Variants in ZNF420 observed in about 807,000 individuals in gnomAD.
ZNF420 encodes zinc finger protein 420, also known as ATM and p53-associated KZNF protein.
ZNF420 carries 31 observed loss-of-function variants against 44.7 expected under a neutral mutation model. That is an observed-to-expected ratio of 0.69 (90% CI 0.52 to 0.94). The LOEUF (loss-of-function observed/expected upper bound fraction) is 0.94, where lower values mean the gene tolerates loss of function less well. Ranked by LOEUF, ZNF420 falls within the 40% of genes least tolerant of loss-of-function variation. The probability of loss-of-function intolerance (pLI) is 0.00; values close to 1 mark genes in which losing one functional copy is unlikely to be tolerated. For synonymous variants in ZNF420, 245 were observed against 267.4 expected, an observed-to-expected ratio of 0.92 and a Z score of 0.82; for missense variants, 681 against 827.9, an observed-to-expected ratio of 0.82 and a Z score of 2.18.
Position 37,127,287 on chromosome 19 carries a change from A to G in ZNF420, c.296A>G (p.Gln99Arg). Residue 99 changes from glutamine (Q) to arginine (R), a missense_variant, in exon 5 of 5, where the codon CAA (glutamine) becomes CGA (arginine). Coordinates refer to ENST00000337995, the MANE Select transcript of ZNF420 (RefSeq NM_144689.5). The stretch of plus-strand genomic sequence containing the variant: ...GAAGCCAAAGGCAAGATGGAGAAGC[A>G]ACAAGAAAATCAGAAGGAATATTTC... ...YLEAKGKMEK[Q>R]QENQKEYFRQ... 1.2e-6 allele frequency: 2 copies of G among 1,613,652 alleles called. No homozygotes were observed. The highest frequency in any genetic ancestry group is 1.7e-6 in the Non-Finnish European group (2 of 1,179,792).
At chr19:37,026,519 A>G (rs1470550966) in intron 1 of ZNF420, among the ~76,000 whole-genome samples, 3 of 152,086 alleles carry the variant, frequency 2.0e-5, no homozygotes, top group African/African-American at 7.2e-5. Flanking sequence ...GGGTTTCTCC[A>G]TGTTGGTCAG....
chr19:37,094,915 G>A (rs970081135), intron 4 of ZNF420, among the ~76,000 whole-genome samples: 51 of 151,960 alleles, frequency 3.4e-4, no homozygotes, highest in Non-Finnish European at 4.4e-5. Flanking sequence ...GGCAGATCAC[G>A]AGGTCAAGAG....
Position 37,089,043 on chromosome 19 carries a change from G to C in ZNF420, c.-76G>C. ...GTTCTGCTTTCTCCTCCGTAGCTCT[G>C]CATTCTCCAGACTCTGTGCTTTCCT... On this transcript the variant is annotated 5_prime_UTR_variant, in exon 3 of 5. Transcript: ENST00000337995. 7.5e-7 allele frequency: 1 copy of C among 1,340,356 alleles called. No individual in the cohort carries two copies. The highest frequency in any genetic ancestry group is 1.1e-6 in the Non-Finnish European group (1 of 930,324). The allele number at this position is 1,340,356 out of a possible 1,614,324, so 83.0% of individuals were successfully genotyped here.
chr19:37,017,542 C>T (rs2074616865), intron 1 of ZNF420, among the ~76,000 whole-genome samples: 2 of 152,158 alleles, frequency 1.3e-5, no homozygotes, highest in South Asian at 4.1e-4. Flanking sequence ...TAATATATCA[C>T]ATTAAGAGTG....
At chr19:37,031,305 G>A (rs555546596) in intron 1 of ZNF420, among the ~76,000 whole-genome samples, 2 of 152,160 alleles carry the variant, frequency 1.3e-5, no homozygotes, top group South Asian at 2.1e-4. Flanking sequence ...TGGATACATT[G>A]GTTATTAAAT....
intron 1 of ZNF420, among the ~76,000 whole-genome samples, chr19:37,032,379 C>T (rs1483039996): frequency 6.6e-6 from 1 of 151,560 alleles, no homozygotes; most frequent in Non-Finnish European, 1.5e-5. Flanking sequence ...GTTGTGCGCA[C>T]CTGTAATCCC....
chr19:37,116,151 T>C (rs1033458738), intron 4 of ZNF420, among the ~76,000 whole-genome samples: 8 of 152,030 alleles, frequency 5.3e-5, no homozygotes, highest in African/African-American at 1.9e-4. Flanking sequence ...TGATCTCTCT[T>C]TCTTTTCCCC....
chr19:37,054,651 G>A (rs1967708675), intron 1 of ZNF420, among the ~76,000 whole-genome samples: 1 of 152,204 alleles, frequency 6.6e-6, no homozygotes, highest in Admixed American at 6.5e-5. Context: ...TGAGCAGATG[G>A]GAAATTTCAG....
At chr19:37,066,170 C>T (rs969516940) in intron 1 of ZNF420, among the ~76,000 whole-genome samples, 3 of 152,204 alleles carry the variant, frequency 2.0e-5, no homozygotes, top group Non-Finnish European at 4.4e-5. Flanking sequence ...CGGCCAGGCG[C>T]GGCGGCTCAC....
intron 1 of ZNF420, among the ~76,000 whole-genome samples, chr19:37,037,943 A>G (rs1312065046): frequency 1.3e-5 from 2 of 152,144 alleles, no homozygotes. Context: ...TGGAGTAAGG[A>G]CCTGGGTGTG....
At chr19:37,088,026 A>G (rs1403041981) in intron 2 of ZNF420, among the ~76,000 whole-genome samples, 1 of 152,190 alleles carries the variant, frequency 6.6e-6, no homozygotes, top group Non-Finnish European at 1.5e-5. Context: ...TAGACATTTC[A>G]TATGGCTTTG....
intron 4 of ZNF420, among the ~76,000 whole-genome samples, chr19:37,110,967 G>T (rs1325233065): frequency 6.6e-6 from 1 of 152,154 alleles, no homozygotes; most frequent in Non-Finnish European, 1.5e-5. Context: ...ATTGATAAAG[G>T]CTTGTCTAAC....
chr19:37,030,837 A>G (rs1599604468), intron 1 of ZNF420, among the ~76,000 whole-genome samples: 2 of 152,118 alleles, frequency 1.3e-5, no homozygotes, highest in East Asian at 3.9e-4. Flanking sequence ...GAGTGGCTGC[A>G]CCCTAGTTTA....
At chr19:37,058,669 C>T (rs905988630) in intron 1 of ZNF420, among the ~76,000 whole-genome samples, 17 of 150,364 alleles carry the variant, frequency 1.1e-4, no homozygotes, top group African/African-American at 3.9e-4. Context: ...TTTTCCTTGG[C>T]GTTGACTGGG....
At chr19:37,058,380 C>A (rs934568730) in intron 1 of ZNF420, among the ~76,000 whole-genome samples, 2 of 152,116 alleles carry the variant, frequency 1.3e-5, no homozygotes, top group Non-Finnish European at 1.5e-5. Flanking sequence ...TGCGGCATTT[C>A]CTCTGCACTT....
chr19:37,071,474 T>C (rs1420522846), intron 1 of ZNF420, among the ~76,000 whole-genome samples: 2 of 152,196 alleles, frequency 1.3e-5, no homozygotes, highest in Non-Finnish European at 2.9e-5. Flanking sequence ...GAAATGGGAA[T>C]AGATGTCTAG....
intron 4 of ZNF420, among the ~76,000 whole-genome samples, chr19:37,114,772 C>T (rs1970568093): frequency 6.6e-6 from 1 of 152,060 alleles, no homozygotes; most frequent in South Asian, 2.1e-4. Context: ...ATGCTATCTT[C>T]TCCTGTTTGA....
chr19:37,117,269 G>A (rs377265483), intron 4 of ZNF420, among the ~76,000 whole-genome samples: 11 of 152,152 alleles, frequency 7.2e-5, no homozygotes, highest in African/African-American at 4.8e-5. Context: ...CCAGAGGAAC[G>A]ATCAGGCAGC....
chr19:37,010,401 C>T (rs1292027674), intron 1 of ZNF420, among the ~76,000 whole-genome samples: 1 of 152,094 alleles, frequency 6.6e-6, no homozygotes, highest in Non-Finnish European at 1.5e-5. Context: ...CTTGTGTGCC[C>T]GTGGGCTGCT....
Sources: gnomAD v4.1 joint callset for allele counts (sites outside exome capture counted in the v4.1 genomes callset) on GRCh38, gnomAD v4.1.1 for gene constraint, MANE v1.5 for transcripts, NCBI Gene and HGNC (gene_info 2026-07-23, HGNC 2026-07-21) for gene names.